The following PIBF1 variants were observed in gnomAD, a reference collection of about 807,000 sequenced individuals.
PIBF1 encodes progesterone immunomodulatory binding factor 1.
A neutral mutation model predicts 112.5 loss-of-function variants in PIBF1; 90 were observed. That is an observed-to-expected ratio of 0.80 (90% CI 0.67 to 0.95). PIBF1 has a LOEUF of 0.95. Among genes scored for constraint, PIBF1 ranks in the 40% least tolerant of loss-of-function variants. The pLI is 0.00. For missense variants in PIBF1, 915 were observed against 852.3 expected, an observed-to-expected ratio of 1.07 and a Z score of -0.92; for synonymous variants, 301 against 288.6, an observed-to-expected ratio of 1.04 and a Z score of -0.44.
chr13:72,928,024 T>TATAC (rs1448630819), intron 13 of PIBF1, among the ~76,000 whole-genome samples: 1 of 69,372 alleles, frequency 1.4e-5, no homozygotes, highest in African/African-American at 5.0e-5. Flanking sequence ...TACATATATA[T>TATAC]ACATATATAT....
At chr13:72,837,745 CATATT>C (rs1020160449) in intron 9 of PIBF1, among the ~76,000 whole-genome samples, 2 of 152,054 alleles carry the variant, frequency 1.3e-5, no homozygotes, top group African/African-American at 4.8e-5. Flanking sequence ...TTTAGTTTTT[CATATT>C]ATATTAGTAT....
At chr13:72,924,626 G>A (rs1177615008) in intron 13 of PIBF1, among the ~76,000 whole-genome samples, 1 of 152,080 alleles carries the variant, frequency 6.6e-6, no homozygotes, top group Non-Finnish European at 1.5e-5. Context: ...AGGATGAGCT[G>A]GGTCACTTGA....
rs2038931671 is a variant in PIBF1, at chr13:72,866,435, A to C, written c.1322+12280A>C. On this transcript the variant is annotated intron_variant, in intron 10 of 17. Transcript: ENST00000326291. ...TGAAATGATTTAACTAAAATTTTCT[A>C]ATTTTAGGAGTTACTGAAATTCTAT... 2.6e-5 allele frequency among the ~76,000 whole-genome samples: 4 copies of C among 152,144 alleles called. 1 individual carries two copies. Among genetic ancestry groups the C allele is most frequent in the Admixed American group, 2.6e-4 (4 of 15,270 alleles).
intron 17 of PIBF1, among the ~76,000 whole-genome samples, chr13:73,006,270 G>A (rs1008891687): frequency 2.0e-5 from 3 of 151,974 alleles, no homozygotes; most frequent in Non-Finnish European, 2.9e-5. Flanking sequence ...AAGTATGACC[G>A]GACCTCAAAA....
intron 17 of PIBF1, 78 bp downstream of exon 17, chr13:72,999,073 T>A: frequency 1.0e-6 from 1 of 957,798 alleles, no homozygotes; most frequent in Non-Finnish European, 1.6e-6. Context: ...TTTTTCCTTT[T>A]ACATTTATGA....
intron 2 of PIBF1, among the ~76,000 whole-genome samples, chr13:72,784,642 C>T (rs546065423): frequency 6.6e-6 from 1 of 151,702 alleles, no homozygotes; most frequent in Non-Finnish European, 1.5e-5. Context: ...GCCTGCAGGC[C>T]CAGCTACTTC....
At chr13:72,943,850 T>A in intron 14 of PIBF1, among the ~76,000 whole-genome samples, 1 of 152,228 alleles carries the variant, frequency 6.6e-6, no homozygotes, top group East Asian at 1.9e-4. Context: ...TATATGACTT[T>A]AGGCAAGTTA....
At chr13:72,914,076 G>A (rs1349543097) in intron 12 of PIBF1, among the ~76,000 whole-genome samples, 1 of 151,966 alleles carries the variant, frequency 6.6e-6, no homozygotes, top group Admixed American at 6.6e-5. Context: ...AATTTTCAAA[G>A]GCTTGCCATT....
At chr13:72,918,132 C>G (rs2041164044) in intron 13 of PIBF1, among the ~76,000 whole-genome samples, 1 of 152,144 alleles carries the variant, frequency 6.6e-6, no homozygotes, top group Admixed American at 6.5e-5. Flanking sequence ...CGGCCCCATT[C>G]ACTACCACAT....
chr13:72,862,964 A>G (rs1439300951), intron 10 of PIBF1, among the ~76,000 whole-genome samples: 3 of 152,248 alleles, frequency 2.0e-5, no homozygotes, highest in African/African-American at 7.2e-5. Context: ...TAATAGAAGT[A>G]GAGGCGAAAT....
At chr13:72,833,315 C>T (rs901000476) in intron 8 of PIBF1, among the ~76,000 whole-genome samples, 4 of 152,114 alleles carry the variant, frequency 2.6e-5, no homozygotes, top group South Asian at 2.1e-4. Flanking sequence ...CTCTTGTTGG[C>T]GAGGAGTTGT....
At chr13:72,901,103 G>T (rs191413447) in intron 11 of PIBF1, 68 of 446,740 alleles carry the variant, frequency 1.5e-4, no homozygotes, top group African/African-American at 1.2e-3. Flanking sequence ...ACAGCAAAAG[G>T]AACAGTCAAC....
chr13:72,820,202 T>C (rs2036487669), intron 5 of PIBF1, among the ~76,000 whole-genome samples: 1 of 152,084 alleles, frequency 6.6e-6, no homozygotes, highest in Non-Finnish European at 1.5e-5. Flanking sequence ...AATAGAGAGG[T>C]AAACTAACGT....
chr13:72,952,456 T>A (rs1298208020), intron 14 of PIBF1, among the ~76,000 whole-genome samples: 2 of 152,054 alleles, frequency 1.3e-5, no homozygotes. Flanking sequence ...TCAAATTATT[T>A]ATCTAGTATT....
At chr13:72,928,836 A>T (rs1264945106) in intron 13 of PIBF1, among the ~76,000 whole-genome samples, 1 of 152,206 alleles carries the variant, frequency 6.6e-6, no homozygotes, top group Non-Finnish European at 1.5e-5. Context: ...TCCCAAACAA[A>T]ATAAAAGCAC....
At position 72,809,132 on chromosome 13, in the gene PIBF1, C is replaced by CTTTT. The variant is rs35219701; in HGVS notation, c.672+11126_672+11129dup. ...CACCACTTGGGGGCAGTATATGTCC[C>CTTTT]TTTTTTTTTTTTTTTTTTTTTTTAA... On this transcript the variant is annotated intron_variant, in intron 5 of 17. Coordinates refer to ENST00000326291, the MANE Select transcript of PIBF1 (RefSeq NM_006346.4). Among the ~76,000 whole-genome samples, 701 of 74,696 alleles carry CTTTT rather than the reference C, an allele frequency of 9.4e-3. 7 individuals are homozygous for CTTTT. The highest frequency in any genetic ancestry group is 0.013 in the Non-Finnish European group (554 of 41,802). 49.0% of individuals were successfully genotyped at this position (74,696 alleles called of 152,430 possible).
At chr13:72,847,367 A>G (rs1353443133) in intron 9 of PIBF1, among the ~76,000 whole-genome samples, 1 of 152,198 alleles carries the variant, frequency 6.6e-6, no homozygotes, top group African/African-American at 2.4e-5. Flanking sequence ...ACAGGTCTGG[A>G]GGCTGGGAAG....
At chr13:72,812,676 C>T (rs548220675) in intron 5 of PIBF1, among the ~76,000 whole-genome samples, 4 of 151,930 alleles carry the variant, frequency 2.6e-5, no homozygotes, top group Admixed American at 2.0e-4. Context: ...CCCAGCTACT[C>T]GGGAGGCTGA....
chr13:73,001,474 G>A (rs547645822), intron 17 of PIBF1, among the ~76,000 whole-genome samples: 13 of 150,950 alleles, frequency 8.6e-5, no homozygotes, highest in Admixed American at 3.3e-4. Context: ...ATGGATGAGC[G>A]TTTCCATATG....
Sources: gnomAD v4.1 joint callset for allele counts (sites outside exome capture counted in the v4.1 genomes callset) on GRCh38, gnomAD v4.1.1 for gene constraint, MANE v1.5 for transcripts, NCBI Gene and HGNC (gene_info 2026-07-23, HGNC 2026-07-21) for gene names.